Variants in CACUL1 observed in about 807,000 individuals in gnomAD.
CACUL1 encodes CDK2-associated and cullin domain-containing protein 1.
In CACUL1, 13 loss-of-function variants were observed where a neutral mutation model predicts 45.2. The observed-to-expected ratio is 0.29, with a 90% CI of 0.19 to 0.46. The LOEUF (loss-of-function observed/expected upper bound fraction) is 0.46, where lower values mean the gene tolerates loss of function less well. CACUL1 is among the 20% of genes least tolerant of loss of function. The pLI is 1.00. For missense variants in CACUL1, 421 were observed against 471.4 expected (o/e 0.89, Z 0.99); for synonymous variants, 197 against 174.2 (o/e 1.13, Z -1.03).
intron 6 of CACUL1, chr10:118,692,268 T>TAAA (rs75070906): frequency 1.2e-4 from 17 of 145,496 alleles, no homozygotes; most frequent in African/African-American, 4.3e-4. Flanking sequence ...TAAACAACAG[T>TAAA]AAAAAAAAAA....
intron 1 of CACUL1, among the ~76,000 whole-genome samples, chr10:118,739,839 T>C (rs1232840804): frequency 6.6e-6 from 1 of 152,166 alleles, no homozygotes; most frequent in Non-Finnish European, 1.5e-5. Flanking sequence ...AACAAAGCTG[T>C]TGAAAAGTTT....
intron 1 of CACUL1, 104 bp downstream of exon 1, chr10:118,754,292 C>T: frequency 1.4e-6 from 2 of 1,417,230 alleles, no homozygotes; most frequent in Non-Finnish European, 1.8e-6. Flanking sequence ...GAGGAAAGAC[C>T]GAGGCCTGAA....
intron 4 of CACUL1, among the ~76,000 whole-genome samples, chr10:118,704,091 G>C (rs72641390): frequency 0.13 from 19,023 of 151,356 alleles, 1,431 homozygotes; most frequent in Admixed American, 0.26. Flanking sequence ...TAAAAAAAAA[G>C]AATAAGGTAG....
intron 1 of CACUL1, among the ~76,000 whole-genome samples, chr10:118,751,480 G>C (rs1031279876): frequency 6.6e-6 from 1 of 152,016 alleles, no homozygotes; most frequent in Non-Finnish European, 1.5e-5. Context: ...TTTCTCCAGT[G>C]GTTTATGATG....
intron 6 of CACUL1, among the ~76,000 whole-genome samples, chr10:118,694,395 TCAAA>T (rs925138808): frequency 6.6e-6 from 1 of 152,244 alleles, no homozygotes; most frequent in East Asian, 1.9e-4. Context: ...CATTTAATCC[TCAAA>T]CAACAAAAGA....
chr10:118,691,155 T>C, intron 7 of CACUL1, 110 bp downstream of exon 7: 1 of 900,188 alleles, frequency 1.1e-6, no homozygotes, highest in Non-Finnish European at 1.7e-6. Context: ...AGCAAGACTC[T>C]TGGCCAGTTA....
rs1433773670 is a variant in CACUL1, at chr10:118,677,993, T to C, written c.*8135A>G. On this transcript the variant is annotated 3_prime_UTR_variant, in exon 9 of 9. Coordinates refer to ENST00000369151, the MANE Select transcript of CACUL1 (RefSeq NM_153810.5). ...GTTGTCATAAACTCTCAGATTGTTA[T>C]TTTCAGACTTCTCATAATTTCTGCC... The C allele has an allele frequency of 6.6e-6, 1 of 152,238 alleles. No individual in the cohort carries two copies. Among genetic ancestry groups the C allele is most frequent in the African/African-American group, 2.4e-5 (1 of 41,452 alleles). 9.4% of individuals were successfully genotyped at this position (152,238 alleles called of 1,614,324 possible).
At chr10:118,733,029 A>C (rs1270959103) in intron 1 of CACUL1, among the ~76,000 whole-genome samples, 1 of 152,194 alleles carries the variant, frequency 6.6e-6, no homozygotes. Context: ...AGTAATTAAC[A>C]TACCTATCTT....
chr10:118,747,792 G>C (rs1437892679), intron 1 of CACUL1, among the ~76,000 whole-genome samples: 1 of 152,142 alleles, frequency 6.6e-6, no homozygotes, highest in Non-Finnish European at 1.5e-5. Flanking sequence ...ACTGCAAAGA[G>C]ACACAGGGAA....
At chr10:118,728,317 C>CT (rs5788315) in intron 3 of CACUL1, among the ~76,000 whole-genome samples, 91,510 of 140,746 alleles carry the variant, frequency 0.65, 29,845 homozygotes, top group Middle Eastern at 0.7. Context: ...AGTGACTTTT[C>CT]TTTTTTTTTT....
At chr10:118,744,342 C>T (rs1230364880) in intron 1 of CACUL1, among the ~76,000 whole-genome samples, 4 of 151,926 alleles carry the variant, frequency 2.6e-5, no homozygotes, top group Non-Finnish European at 4.4e-5. Flanking sequence ...GCTGAGATCG[C>T]GCCATTGCAC....
At chr10:118,706,172 ATT>A (rs1451465788) in intron 4 of CACUL1, among the ~76,000 whole-genome samples, 1 of 152,224 alleles carries the variant, frequency 6.6e-6, no homozygotes, top group Non-Finnish European at 1.5e-5. Context: ...TTGATTCAAA[ATT>A]ATGATAAATT....
rs1245232389 is a variant in CACUL1 at position 118,686,047 on chromosome 10, G to GC, written c.*80dup. On this transcript the variant is annotated 3_prime_UTR_variant, in exon 9 of 9. Coordinates refer to ENST00000369151, the MANE Select transcript of CACUL1 (RefSeq NM_153810.5). ...GTGACAGAGCTCCTGAGTGTGTGCA[G>GC]CCCCCACTGTGCTCTGAATACAGTC... The GC allele has an allele frequency of 1.0e-6, 1 of 998,374 alleles. No individual in the cohort carries two copies. Among genetic ancestry groups the GC allele is most frequent in the Non-Finnish European group, 1.6e-6 (1 of 628,746 alleles). 61.8% of individuals were successfully genotyped at this position (998,374 alleles called of 1,614,324 possible).
intron 1 of CACUL1, among the ~76,000 whole-genome samples, chr10:118,747,154 G>T (rs946295156): frequency 6.6e-6 from 1 of 152,188 alleles, no homozygotes; most frequent in East Asian, 1.9e-4. Flanking sequence ...CCAGTCCACA[G>T]AAAAATTGTC....
intron 1 of CACUL1, 79 bp from the exon 2 acceptor site, chr10:118,730,489 A>C (rs1845687425): frequency 4.5e-6 from 6 of 1,319,566 alleles, no homozygotes; most frequent in Non-Finnish European, 6.3e-6. Context: ...TTGCACTCTC[A>C]AATTCCTCTC....
At chr10:118,751,357 G>T in intron 1 of CACUL1, among the ~76,000 whole-genome samples, 1 of 151,676 alleles carries the variant, frequency 6.6e-6, no homozygotes, top group East Asian at 1.9e-4. Flanking sequence ...TGTTAACTTT[G>T]GTTTTTCTTT....
rs911665862 is a variant in CACUL1, at chr10:118,682,212, G to A, written c.*3916C>T. ...AATCAACTCAAAACATCCAAACAAT[G>A]GCTAGATGACTAATGTAGGTTGTTT... is the stretch of plus-strand genomic sequence containing the variant. On this transcript the variant is annotated 3_prime_UTR_variant, in exon 9 of 9. Transcript: ENST00000369151. 1 of 152,188 alleles carries A rather than the reference G, an allele frequency of 6.6e-6. No homozygotes were observed. The highest frequency in any genetic ancestry group is 2.4e-5 in the African/African-American group (1 of 41,432). The allele number at this position is 152,188 out of a possible 1,614,324, so 9.4% of individuals were successfully genotyped here.
At chr10:118,701,220 C>T (rs184671843) in intron 5 of CACUL1, 86 bp downstream of exon 5, 5 of 679,358 alleles carry the variant, frequency 7.4e-6, no homozygotes, top group Admixed American at 5.5e-5. Context: ...TTGGGGTTTA[C>T]GTGACAATGC....
intron 1 of CACUL1, 110 bp from the exon 2 acceptor site, chr10:118,730,520 A>G: frequency 9.6e-7 from 1 of 1,038,488 alleles, no homozygotes; most frequent in Non-Finnish European, 1.4e-6. Flanking sequence ...CTGATTTTAC[A>G]CTGACACTCT....
Sources: gnomAD v4.1 joint callset for allele counts (sites outside exome capture counted in the v4.1 genomes callset) on GRCh38, gnomAD v4.1.1 for gene constraint, MANE v1.5 for transcripts, NCBI Gene and HGNC (gene_info 2026-07-23, HGNC 2026-07-21) for gene names.